RAF1: variants seen among roughly 807,000 people sequenced by gnomAD.
RAF1 encodes Raf-1 proto-oncogene, serine/threonine kinase, also known as RAF proto-oncogene serine/threonine-protein kinase.
In RAF1, 27 loss-of-function variants were observed where a neutral mutation model predicts 81.1. That is an observed-to-expected ratio of 0.33 (90% CI 0.25 to 0.46). The LOEUF (loss-of-function observed/expected upper bound fraction) is 0.46. Among genes scored for constraint, RAF1 ranks in the 20% least tolerant of loss-of-function variants. The pLI is 1.00. For synonymous variants in RAF1, 298 were observed against 294.0 expected, an observed-to-expected ratio of 1.01 and a Z score of -0.14; for missense variants, 598 against 826.0, an observed-to-expected ratio of 0.72 and a Z score of 3.38.
rs1041533678 is a variant in RAF1 at position 12,663,881 on chromosome 3, C to G, written c.-95G>C. ...GCTTCTCGCCCGCTCCTCCTCCCCG[C>G]GGCGGGTGAGGGAGCGGGAGGCGGT... On this transcript the variant is annotated 5_prime_UTR_variant, in exon 1 of 18. Transcript: ENST00000442415. 1.0e-5 allele frequency: 4 copies of G among 398,032 alleles called. No individual in the cohort carries two copies. The East Asian group carries it at 1.4e-4, about 14-fold the overall frequency. 24.7% of individuals were successfully genotyped at this position (398,032 alleles called of 1,614,324 possible). A position where few individuals can be genotyped will look rare whatever the true frequency, so the allele number is the denominator to read the frequency against.
chr3:12,663,699 G>C (rs892939572), intron 1 of RAF1, 114 bp downstream of exon 1: 2 of 391,384 alleles, frequency 5.1e-6, no homozygotes, highest in Non-Finnish European at 9.0e-6. Flanking sequence ...CCCTCTGCCC[G>C]GCAGCCGCGG....
At chr3:12,587,501 C>T in intron 14 of RAF1, 90 bp downstream of exon 13, 3 of 1,200,896 alleles carry the variant, frequency 2.5e-6, no homozygotes, top group Non-Finnish European at 3.7e-6. Context: ...TATCCCCTGG[C>T]ACCGAGAGCC....
At chr3:12,610,779 C>G (rs1037972464) in intron 3 of RAF1, among the ~76,000 whole-genome samples, 1 of 152,018 alleles carries the variant, frequency 6.6e-6, no homozygotes, top group African/African-American at 2.4e-5. Context: ...AAAAAAGAAC[C>G]CTTTAAAGGT....
intron 1 of RAF1, among the ~76,000 whole-genome samples, chr3:12,646,699 C>T (rs894624480): frequency 4.6e-5 from 7 of 151,630 alleles, no homozygotes; most frequent in Non-Finnish European, 7.4e-5. Flanking sequence ...TATAGGCACA[C>T]ACCACCACAC....
chr3:12,648,468 C>T (rs1179411950), intron 1 of RAF1, among the ~76,000 whole-genome samples: 1 of 152,106 alleles, frequency 6.6e-6, no homozygotes, highest in Non-Finnish European at 1.5e-5. Flanking sequence ...GATAAGGACA[C>T]AGAATATAAG....
chr3:12,643,838 T>C (rs1454835900), intron 1 of RAF1, among the ~76,000 whole-genome samples: 1 of 152,182 alleles, frequency 6.6e-6, no homozygotes, highest in Non-Finnish European at 1.5e-5. Context: ...AGGAATCTTG[T>C]ATAATTTATT....
chr3:12,636,835 T>C (rs1376966160), intron 1 of RAF1, among the ~76,000 whole-genome samples: 6 of 151,912 alleles, frequency 3.9e-5, no homozygotes, highest in Non-Finnish European at 8.8e-5. Context: ...GAAAAAATAT[T>C]TGCTACATCA....
intron 1 of RAF1, among the ~76,000 whole-genome samples, chr3:12,646,555 CTTT>C (rs35503570): frequency 2.8e-5 from 4 of 142,308 alleles, no homozygotes; most frequent in East Asian, 4.1e-4. Context: ...TTGTATTTGT[CTTT>C]TTTTTTTTTT....
Position 12,609,237 on chromosome 3 carries a change from T to C in RAF1, c.419A>G (p.Asn140Ser), listed in dbSNP as rs876657968. ...GAGAAGAGATCTGCAACTTACAAAG[T>C]TGTGTGTTGTGAGGGGAACATGATC... Residue 140 changes from asparagine to serine, a missense_variant, in exon 4 of 18, where the codon AAC becomes AGC. Around this residue, in one of 5 missense-constraint regions of RAF1, gnomAD observed 89 missense variants for 169.2 expected, o/e 0.53. Coordinates refer to ENST00000442415, the MANE Select transcript of RAF1 (RefSeq NM_001354689.3). 6.2e-7 allele frequency: 1 copy of C among 1,604,572 alleles called. No individual in the cohort carries two copies. Among genetic ancestry groups the C allele is most frequent in the African/African-American group, 1.3e-5 (1 of 74,810 alleles).
chr3:12,610,659 C>T (rs975359163), intron 3 of RAF1, among the ~76,000 whole-genome samples: 5 of 152,206 alleles, frequency 3.3e-5, no homozygotes, highest in Non-Finnish European at 5.9e-5. Flanking sequence ...CTCACCCCTT[C>T]GAGTAGATTC....
intron 1 of RAF1, among the ~76,000 whole-genome samples, chr3:12,637,625 A>T (rs1195716846): frequency 2.0e-5 from 3 of 151,664 alleles, no homozygotes; most frequent in Non-Finnish European, 2.9e-5. Context: ...GCTGAGGTGG[A>T]TGGATTACCT....
chr3:12,621,117 C>G (rs1222975872), intron 1 of RAF1, among the ~76,000 whole-genome samples: 3 of 152,122 alleles, frequency 2.0e-5, no homozygotes, highest in Admixed American at 1.3e-4. Flanking sequence ...TATTATGAGG[C>G]AGGATACACA....
chr3:12,584,032 T>G lies in RAF1; in HGVS notation c.*482A>C, dbSNP rs1329664349. On this transcript the variant is annotated 3_prime_UTR_variant, in exon 18 of 18. Coordinates refer to ENST00000442415, the MANE Select transcript of RAF1 (RefSeq NM_001354689.3). ...GGCCAGAGTCTCGGCAGTCCTGGGC[T>G]GTTTGGTGCCTTATGTGCAAAATGT... is the stretch of plus-strand genomic sequence containing the variant. The G allele has an allele frequency of 7.3e-6, 2 of 273,380 alleles. No individual in the cohort carries two copies. Among genetic ancestry groups the G allele is most frequent in the Non-Finnish European group, 1.4e-5 (2 of 140,624 alleles). The allele number at this position is 273,380 out of a possible 1,614,324, so 16.9% of individuals were successfully genotyped here. A position where few individuals can be genotyped will look rare whatever the true frequency, so the allele number is the denominator to read the frequency against.
At chr3:12,621,390 C>T (rs941073347) in intron 1 of RAF1, among the ~76,000 whole-genome samples, 16 of 152,190 alleles carry the variant, frequency 1.1e-4, no homozygotes, top group African/African-American at 3.9e-4. Flanking sequence ...AAGTTTCTAA[C>T]TGAATATCCA....
At position 12,625,105 on chromosome 3, in the gene RAF1, G is replaced by A. The variant is rs1238319558; in HGVS notation, c.-26-6358C>T. Among the ~76,000 whole-genome samples, 24 of 151,198 alleles carry A rather than the reference G, an allele frequency of 1.6e-4. 1 individual carries two copies. On this transcript the variant is annotated intron_variant, in intron 1 of 17. Transcript: ENST00000442415. ...TTTTATTTTTATTTATTTTTTTGAG[G>A]CGGAATCTCACTCTGTTGCCCAGGC... is the stretch of plus-strand genomic sequence containing the variant.
chr3:12,592,572 CGCT>C (rs2058550441), intron 11 of RAF1, among the ~76,000 whole-genome samples: 1 of 152,052 alleles, frequency 6.6e-6, no homozygotes, highest in African/African-American at 2.4e-5. Context: ...AAACAAAGAA[CGCT>C]GCAGCCAGGA....
At chr3:12,625,695 A>G (rs1001821312) in intron 1 of RAF1, among the ~76,000 whole-genome samples, 16 of 143,186 alleles carry the variant, frequency 1.1e-4, no homozygotes, top group African/African-American at 4.3e-4. Flanking sequence ...GTCTAAGTGA[A>G]AGAATATTTA....
chr3:12,619,162 G>A (rs1204232831), intron 1 of RAF1, among the ~76,000 whole-genome samples: 20 of 151,774 alleles, frequency 1.3e-4, no homozygotes, highest in Non-Finnish European at 2.9e-4. Context: ...GGAGAATGGC[G>A]GGAACCTGGG....
intron 2 of RAF1, among the ~76,000 whole-genome samples, chr3:12,616,497 C>A (rs972014926): frequency 6.6e-6 from 1 of 152,088 alleles, no homozygotes; most frequent in African/African-American, 2.4e-5. Context: ...ATTTTGCCAG[C>A]CATAAAATTT....
Sources: gnomAD v4.1 joint callset for allele counts (sites outside exome capture counted in the v4.1 genomes callset) on GRCh38, gnomAD v4.1.1 for gene constraint, gnomAD v4.1.1 regional missense constraint, MANE v1.5 for transcripts, NCBI Gene and HGNC (gene_info 2026-07-23, HGNC 2026-07-21) for gene names.